DHX30: variants seen among roughly 807,000 people sequenced by gnomAD.
DHX30 encodes ATP-dependent RNA helicase DHX30.
In DHX30, 4 loss-of-function variants were observed where a neutral mutation model predicts 116.9. That is an observed-to-expected ratio of 0.03 (90% CI 0.02 to 0.08). The LOEUF (loss-of-function observed/expected upper bound fraction) is 0.08, where lower values mean the gene tolerates loss of function less well. DHX30 is among the 10% of genes least tolerant of loss of function. DHX30 has a pLI of 1.00. For missense variants in DHX30, 871 were observed against 1,595.1 expected (o/e 0.55, Z 7.73); for synonymous variants, 697 against 651.7 (o/e 1.07, Z -1.06).
Position 47,846,469 on chromosome 3 carries a change from G to A in DHX30, c.1397G>A (p.Arg466His). The change falls in exon 11 of 22, where the codon CGC becomes CAC. Residue 466 changes from arginine (R) to histidine (H), a missense_variant. By Grantham distance (29) the Arg-to-His change is conservative (BLOSUM62 0). Transcript: ENST00000445061. ...SGDTGCGKTT[R>H]IPQLLLERYV... ...GACACGGGCTGTGGGAAGACCACGC[G>A]CATCCCCCAGCTGTTGCTGGAGCGC... 2 of 1,614,032 alleles carry A rather than the reference G, an allele frequency of 1.2e-6. No individual in the cohort carries two copies. The highest frequency in any genetic ancestry group is 1.7e-6 in the Non-Finnish European group (2 of 1,180,042).
In DHX30 at chr3:47,848,233, G is replaced by A. The variant is rs1199568090; in HGVS notation, c.2340G>A (p.Arg780=). ...CAAGAGCCAATGTGATCCAGCGCCG[G>A]GGCCGGGCGGGCCGCTGCCAGTCCG... ...WVSRANVIQR[R]GRAGRCQSGF... The change falls in exon 15 of 22, where the codon CGG becomes CGA. Residue 780 remains arginine, a synonymous_variant. Transcript: ENST00000445061. The surrounding 1 kb of genome is among the most constrained non-coding windows in gnomAD (Gnocchi z 9.4). The A allele has an allele frequency of 9.9e-6, 16 of 1,613,308 alleles. No homozygotes were observed. The highest frequency in any genetic ancestry group is 1.3e-5 in the Non-Finnish European group (15 of 1,179,930).
At chr3:47,822,163 G>C (rs2036326732) in intron 4 of DHX30, 1 of 152,210 alleles carries the variant, frequency 6.6e-6, no homozygotes, top group Non-Finnish European at 1.5e-5. Context: ...GTGAGGAGAA[G>C]AACACAGAAG....
At chr3:47,815,477 G>A (rs2036009308) in intron 3 of DHX30, among the ~76,000 whole-genome samples, 1 of 152,142 alleles carries the variant, frequency 6.6e-6, no homozygotes, top group South Asian at 2.1e-4. Flanking sequence ...TGGGCCATTT[G>A]ATGGTTCTGA....
chr3:47,849,069 C>T lies in DHX30; in HGVS notation c.2919C>T (p.Arg973=). The change falls in exon 18 of 22, where the codon CGC becomes CGT. Residue 973 remains arginine (R), a synonymous_variant. Transcript: ENST00000445061. The part of the protein sequence containing the change: ...EENLLYAPSL[R]FIHGLIKQFS... ...ACCTGCTGTACGCACCCAGCCTGCG[C>T]TTCATCCACGGTCAGTCGGGCCCAC... 6.2e-7 allele frequency: 1 copy of T among 1,610,068 alleles called. No individual in the cohort carries two copies. Among genetic ancestry groups the T allele is most frequent in the East Asian group, 2.2e-5 (1 of 44,776 alleles).
intron 6 of DHX30, 152 bp from the exon 7 acceptor site, chr3:47,840,725 C>T (rs916388387): frequency 2.4e-5 from 20 of 842,468 alleles, no homozygotes; most frequent in Non-Finnish European, 3.3e-5. Flanking sequence ...TTTGAGAGTT[C>T]CATGCCCAGT....
chr3:47,840,766 A>T (rs1001124537), intron 6 of DHX30, 111 bp from the exon 7 acceptor site: 1 of 1,392,688 alleles, frequency 7.2e-7, no homozygotes, highest in Non-Finnish European at 9.9e-7. Flanking sequence ...GGGTAAACAG[A>T]TGAAAAACCA....
chr3:47,809,931 A>G (rs996032475), intron 2 of DHX30, among the ~76,000 whole-genome samples: 1 of 152,232 alleles, frequency 6.6e-6, no homozygotes, highest in Admixed American at 6.5e-5. Flanking sequence ...TTTTAAAACA[A>G]AATTGTTAAA....
intron 6 of DHX30, among the ~76,000 whole-genome samples, chr3:47,836,927 T>C (rs1302545452): frequency 1.3e-5 from 2 of 152,232 alleles, no homozygotes; most frequent in Non-Finnish European, 2.9e-5. Context: ...CTAATAGCTG[T>C]ACTCCCAGTT....
chr3:47,848,452 C>T lies in DHX30; in HGVS notation c.2494-17C>T, dbSNP rs750828461. On this transcript the variant is annotated splice_polypyrimidine_tract_variant and intron_variant, in intron 15 of 21. Coordinates refer to ENST00000445061, the MANE Select transcript of DHX30 (RefSeq NM_138615.3). The surrounding 1 kb of genome is among the most constrained non-coding windows in gnomAD (Gnocchi z 9.4). ...AGGTGGGAGGCAGGCTCATGGCGGG[C>T]TCTGGCTCTGTCATAGGCGGTGGAG... The T allele has an allele frequency of 1.2e-5, 20 of 1,613,908 alleles. No homozygotes were observed. Among genetic ancestry groups the T allele is most frequent in the Non-Finnish European group, 1.5e-5 (18 of 1,180,014 alleles).
intron 4 of DHX30, chr3:47,826,074 T>A (rs2036539222): frequency 6.6e-6 from 1 of 152,130 alleles, no homozygotes; most frequent in African/African-American, 2.4e-5. Flanking sequence ...CCAACATCGC[T>A]CCCATTCTCA....
intron 1 of DHX30, among the ~76,000 whole-genome samples, chr3:47,803,862 C>G (rs1300012593): frequency 6.6e-6 from 1 of 152,202 alleles, no homozygotes; most frequent in Non-Finnish European, 1.5e-5. Context: ...AGGGATATGG[C>G]ATATCTAGTC....
chr3:47,846,687 A>G lies in DHX30; in HGVS notation c.1615A>G (p.Ile539Val), dbSNP rs756219007. ...GGALLFCTVG[I>V]LLRKLQSNPS... ...GGCCCTGCTCTTCTGCACTGTGGGT[A>G]TCCTGCTGCGTAAGCTGCAGAGCAA... Residue 539 changes from isoleucine (I) to valine (V), a missense_variant, in exon 11 of 22, where the codon ATC (isoleucine) becomes GTC (valine). Physicochemically the swap from Ile to Val is conservative, Grantham distance 29. Around this residue, in one of 13 missense-constraint regions of DHX30, gnomAD observed 63 missense variants for 180.6 expected, o/e 0.35. Transcript: ENST00000445061. 6.2e-7 allele frequency: 1 copy of G among 1,614,082 alleles called. No homozygotes were observed. The highest frequency in any genetic ancestry group is 1.1e-5 in the South Asian group (1 of 91,086).
At chr3:47,803,390 C>T (rs1048830990) in intron 1 of DHX30, among the ~76,000 whole-genome samples, 178 bp downstream of exon 1, 5 of 151,972 alleles carry the variant, frequency 3.3e-5, no homozygotes, top group African/African-American at 1.2e-4. Context: ...GGAAGCCGGC[C>T]CGGCCGATCC....
intron 3 of DHX30, among the ~76,000 whole-genome samples, chr3:47,814,196 G>T (rs1242231827): frequency 1.3e-5 from 2 of 148,530 alleles, no homozygotes; most frequent in Non-Finnish European, 3.0e-5. Flanking sequence ...AGGCTAAGGT[G>T]GGTGGACTAC....
chr3:47,834,976 A>G (rs1181051235), intron 6 of DHX30, among the ~76,000 whole-genome samples: 1 of 151,530 alleles, frequency 6.6e-6, no homozygotes, highest in Non-Finnish European at 1.5e-5. Context: ...TTTATTTTTA[A>G]TTTTTTGAGG....
chr3:47,829,033 C>T lies in DHX30; in HGVS notation c.265C>T (p.Leu89=), dbSNP rs772418426. The T allele has an allele frequency of 6.2e-7, 1 of 1,607,644 alleles. No individual in the cohort carries two copies. Among genetic ancestry groups the T allele is most frequent in the Non-Finnish European group, 8.5e-7 (1 of 1,175,734 alleles). ...TNGPKKKKVT[L]HIKWPKSVEV... is the part of the protein sequence containing the mutation. ...CTCTTCTCTTCCCCAGAAAGTCACACTGCACATAAAATGGCCCAAGAGCGT... is the reference window on the plus strand; with the variant it reads ...CTCTTCTCTTCCCCAGAAAGTCACATTGCACATAAAATGGCCCAAGAGCGT... The change falls in exon 6 of 22, where the codon CTG becomes TTG. Residue 89 remains leucine (L), a synonymous_variant. Coordinates refer to ENST00000445061, the MANE Select transcript of DHX30 (RefSeq NM_138615.3).
At position 47,841,597 on chromosome 3, in the gene DHX30, T is replaced by C; in HGVS notation, c.669-20T>C. On this transcript the variant is annotated intron_variant, in intron 7 of 21. Transcript: ENST00000445061. ...TCCAGGAAGAGAGAATTCTTTCAGT[T>C]AAACTTTTGGTCCTCCCAGGGGGAG... The C allele has an allele frequency of 6.2e-7, 1 of 1,614,084 alleles. No homozygotes were observed. Among genetic ancestry groups the C allele is most frequent in the South Asian group, 1.1e-5 (1 of 91,082 alleles).
chr3:47,823,092 C>CAA (rs548519483), intron 4 of DHX30, among the ~76,000 whole-genome samples: 7 of 53,090 alleles, frequency 1.3e-4, no homozygotes, highest in African/African-American at 2.1e-4. Flanking sequence ...GACTCCATCT[C>CAA]AAAAAAAAAA....
At chr3:47,829,314 A>ATATATTTTTTT (rs1177077114) in intron 6 of DHX30, among the ~76,000 whole-genome samples, 180 bp downstream of exon 6, 1 of 34,192 alleles carries the variant, frequency 2.9e-5, no homozygotes, top group African/African-American at 1.1e-4. Context: ...ATATATATAT[A>ATATATTTTTTT]TTTTTTTTTT....
Sources: allele counts gnomAD v4.1 joint callset (sites outside exome capture counted in the v4.1 genomes callset), GRCh38; gene constraint gnomAD v4.1.1; regional missense constraint gnomAD v4.1.1; non-coding constraint Gnocchi (gnomAD v3.1); transcripts MANE v1.5; gene names NCBI Gene and HGNC (gene_info 2026-07-23, HGNC 2026-07-21).